The following RBFOX1 variants were observed in gnomAD, a reference collection of about 807,000 sequenced individuals.
The protein encoded by RBFOX1 is RNA binding protein fox-1 homolog 1.
RBFOX1 carries 8 observed loss-of-function variants against 57.7 expected under a neutral mutation model. The observed-to-expected ratio is 0.14, with a 90% CI of 0.08 to 0.25. The LOEUF (loss-of-function observed/expected upper bound fraction) is 0.25, where lower values mean the gene tolerates loss of function less well. Among genes scored for constraint, RBFOX1 ranks in the 10% least tolerant of loss-of-function variants. The pLI, the probability that RBFOX1 is intolerant of heterozygous loss-of-function variation, is 1.00. For synonymous variants in RBFOX1, 326 were observed against 222.4 expected (o/e 1.47, Z -4.15); for missense variants, 611 against 548.5 (o/e 1.11, Z -1.14).
intron 1 of RBFOX1, among the ~76,000 whole-genome samples, chr16:6,131,639 C>T (rs1487136355): frequency 6.6e-6 from 1 of 152,188 alleles, no homozygotes; most frequent in East Asian, 1.9e-4. Context: ...TTCACCATAT[C>T]AACATAGTAG....
intron 2 of RBFOX1, among the ~76,000 whole-genome samples, chr16:6,319,535 C>G (rs1316289583): frequency 6.6e-6 from 1 of 152,138 alleles, no homozygotes; most frequent in Non-Finnish European, 1.5e-5. Context: ...AGAAAGATGG[C>G]ATTGACATTA....
chr16:7,413,396 C>G (rs1360281815), intron 4 of RBFOX1, among the ~76,000 whole-genome samples: 3 of 152,056 alleles, frequency 2.0e-5, no homozygotes, highest in Admixed American at 1.3e-4. Flanking sequence ...ACCTAGATGT[C>G]CAGCCTTGAC....
At chr16:7,014,813 C>G (rs1045918008) in intron 3 of RBFOX1, among the ~76,000 whole-genome samples, 3 of 152,100 alleles carry the variant, frequency 2.0e-5, no homozygotes, top group African/African-American at 4.8e-5. Context: ...CAACCTCCGT[C>G]TCCAGGATTC....
intron 3 of RBFOX1, among the ~76,000 whole-genome samples, chr16:7,028,642 C>T (rs995600636): frequency 9.0e-5 from 13 of 143,730 alleles, no homozygotes; most frequent in African/African-American, 3.4e-4. Context: ...AAAATTGAAC[C>T]ACACATCATT....
At chr16:5,981,700 C>G (rs1334263950) in intron 4 of RBFOX1, among the ~76,000 whole-genome samples, 6 of 152,122 alleles carry the variant, frequency 3.9e-5, no homozygotes, top group Non-Finnish European at 7.3e-5. Flanking sequence ...AACTCCTGAC[C>G]TCGAGTGGTC....
chr16:7,256,904 C>G (rs981920600), intron 4 of RBFOX1, among the ~76,000 whole-genome samples: 5 of 152,238 alleles, frequency 3.3e-5, no homozygotes, highest in African/African-American at 9.6e-5. Context: ...CCCGGGAAAC[C>G]TACCCAAGTC....
At chr16:6,942,485 C>T (rs979185241) in intron 3 of RBFOX1, among the ~76,000 whole-genome samples, 2 of 152,106 alleles carry the variant, frequency 1.3e-5, no homozygotes, top group Non-Finnish European at 2.9e-5. Context: ...ATGTTGACAA[C>T]ATCTCCATCT....
chr16:7,001,983 A>C (rs1358496621), intron 3 of RBFOX1, among the ~76,000 whole-genome samples: 1 of 151,590 alleles, frequency 6.6e-6, no homozygotes, highest in Non-Finnish European at 1.5e-5. Flanking sequence ...ACGTGAGTGA[A>C]CTCCTGGTGT....
chr16:6,146,035 G>A (rs1478382479), intron 1 of RBFOX1, among the ~76,000 whole-genome samples: 2 of 152,182 alleles, frequency 1.3e-5, no homozygotes, highest in Admixed American at 1.3e-4. Context: ...TCTAAGGCCA[G>A]AGACAGCGTC....
chr16:7,354,423 TA>T (rs1301085424), intron 4 of RBFOX1, among the ~76,000 whole-genome samples: 12 of 152,112 alleles, frequency 7.9e-5, no homozygotes, highest in Non-Finnish European at 1.6e-4. Flanking sequence ...CCTCAGGAAA[TA>T]AAACAGAGGT....
chr16:6,955,252 A>AG (rs754067092), intron 3 of RBFOX1, among the ~76,000 whole-genome samples: 1 of 152,082 alleles, frequency 6.6e-6, no homozygotes, highest in East Asian at 1.9e-4. Flanking sequence ...GAAGAAAAAA[A>AG]GAAAAAAAGA....
intron 4 of RBFOX1, among the ~76,000 whole-genome samples, chr16:7,215,328 A>C (rs1021640356): frequency 1.2e-4 from 18 of 152,200 alleles, no homozygotes; most frequent in Non-Finnish European, 1.9e-4. Context: ...GTATATACTC[A>C]AAGTATTATA....
At chr16:6,273,115 C>T (rs1213785583) in intron 1 of RBFOX1, among the ~76,000 whole-genome samples, 1 of 151,728 alleles carries the variant, frequency 6.6e-6, no homozygotes, top group Non-Finnish European at 1.5e-5. Context: ...CAAAAATTAG[C>T]CAGGCATGGT....
chr16:7,449,714 ATG>A (rs777294270), intron 4 of RBFOX1, among the ~76,000 whole-genome samples: 931 of 93,078 alleles, frequency 0.01, 4 homozygotes, highest in African/African-American at 0.012. Flanking sequence ...AGAAACATGT[ATG>A]TGTGTGTGTG....
At chr16:6,694,436 C>T (rs1218521374) in intron 3 of RBFOX1, among the ~76,000 whole-genome samples, 4 of 152,210 alleles carry the variant, frequency 2.6e-5, no homozygotes, top group East Asian at 1.9e-4. Context: ...ACCATGTGAA[C>T]ATTTCATTTT....
At chr16:5,907,070 C>A (rs2058477117) in intron 4 of RBFOX1, among the ~76,000 whole-genome samples, 1 of 152,226 alleles carries the variant, frequency 6.6e-6, no homozygotes, top group African/African-American at 2.4e-5. Context: ...AGCATGACTC[C>A]TCAGAGGCTT....
At chr16:6,683,134 C>G (rs756946516) in intron 3 of RBFOX1, among the ~76,000 whole-genome samples, 1 of 152,094 alleles carries the variant, frequency 6.6e-6, no homozygotes, top group Admixed American at 6.5e-5. Flanking sequence ...AAAGAGCTAA[C>G]TAGCAGATGC....
chr16:7,690,768 C>T (rs2077143385), intron 14 of RBFOX1, among the ~76,000 whole-genome samples: 2 of 152,086 alleles, frequency 1.3e-5, no homozygotes, highest in African/African-American at 2.4e-5. Flanking sequence ...GAGAGAGGGT[C>T]ATAGATGATC....
chr16:5,447,572 A>G (rs1446136100), intron 1 of RBFOX1, among the ~76,000 whole-genome samples: 1 of 151,872 alleles, frequency 6.6e-6, no homozygotes, highest in Non-Finnish European at 1.5e-5. Context: ...TAATTTTTGT[A>G]TTTTTAATAG....
Sources: gnomAD v4.1 joint callset for allele counts (sites outside exome capture counted in the v4.1 genomes callset) on GRCh38, gnomAD v4.1.1 for gene constraint, MANE v1.5 for transcripts, NCBI Gene and HGNC (gene_info 2026-07-23, HGNC 2026-07-21) for gene names.